USF3: variants seen among roughly 807,000 people sequenced by gnomAD.
The protein encoded by USF3 is upstream transcription factor family member 3.
A neutral mutation model predicts 157.5 loss-of-function variants in USF3; 29 were observed. The ratio of observed to expected loss-of-function variants is 0.18; its 90% CI spans 0.14 to 0.25. The LOEUF is 0.25. Among genes scored for constraint, USF3 ranks in the 10% least tolerant of loss-of-function variants. USF3 has a pLI of 1.00. For missense variants in USF3, 2,381 were observed against 2,667.6 expected (o/e 0.89, Z 2.37); for synonymous variants, 893 against 941.4 (o/e 0.95, Z 0.94).
intron 1 of USF3, among the ~76,000 whole-genome samples, chr3:113,685,990 G>A (rs1707537399): frequency 2.6e-5 from 4 of 152,102 alleles, no homozygotes; most frequent in African/African-American, 4.8e-5. Flanking sequence ...GCACTCCTTT[G>A]GCCACCCCAG....
intron 4 of USF3, among the ~76,000 whole-genome samples, chr3:113,672,128 T>C (rs1369262435): frequency 6.6e-6 from 1 of 150,904 alleles, no homozygotes; most frequent in Admixed American, 6.6e-5. Flanking sequence ...GGTAAACACA[T>C]CTCTTTCTTT....
Position 113,659,983 on chromosome 3 carries a change from T to C in USF3, c.1699A>G (p.Met567Val). The change falls in exon 7 of 7, where the codon ATG (methionine) becomes GTG (valine). Residue 567 changes from methionine (M) to valine (V), a missense_variant. Transcript: ENST00000316407. ...PPSTTPCPTV[M>V]RAEVSNQTVG... Reference sequence around the variant, plus strand: ...GTTTGGTTGGAAACTTCTGCCCTCATCACTGTTGGGCATGGGGTGGTGCTA... The same window carrying C: ...GTTTGGTTGGAAACTTCTGCCCTCACCACTGTTGGGCATGGGGTGGTGCTA... The C allele has an allele frequency of 6.2e-7, 1 of 1,614,208 alleles. No individual in the cohort carries two copies.
In USF3 at chr3:113,660,556, C is replaced by T. The variant is rs1217395523; in HGVS notation, c.1126G>A (p.Ala376Thr). 6 of 1,614,176 alleles carry T rather than the reference C, an allele frequency of 3.7e-6. No homozygotes were observed. The highest frequency in any genetic ancestry group is 1.3e-5 in the African/African-American group (1 of 75,052). Residue 376 changes from alanine to threonine, a missense_variant, in exon 7 of 7, where the codon GCC becomes ACC. By Grantham distance (58) the Ala-to-Thr change is moderately conservative. This residue lies in a region of USF3 where 1,435 missense variants were observed against 1,550.9 expected (regional missense o/e 0.93). Coordinates refer to ENST00000316407, the MANE Select transcript of USF3 (RefSeq NM_001009899.4). ...TSTATVVASS[A>T]PGVGKATIPI... is the part of the protein sequence containing the mutation. ...ATGGTGGCCTTCCCTACTCCAGGGGCAGATGATGCCACCACTGTAGCTGTA... is the reference window on the plus strand; with the variant it reads ...ATGGTGGCCTTCCCTACTCCAGGGGTAGATGATGCCACCACTGTAGCTGTA...
Position 113,651,880 on chromosome 3 carries a change from T to C in USF3, c.*3064A>G, listed in dbSNP as rs116419528. 25 of 152,320 alleles carry C rather than the reference T, an allele frequency of 1.6e-4. No individual in the cohort carries two copies. Among genetic ancestry groups the C allele is most frequent in the African/African-American group, 6.0e-4 (25 of 41,558 alleles). 9.4% of individuals were successfully genotyped at this position (152,320 alleles called of 1,614,324 possible). The stretch of plus-strand genomic sequence containing the variant: ...CTTTCAAGATCAAAATGTTAGACTG[T>C]TGGAATGAAAGCTCCAAGAAATGCA... On this transcript the variant is annotated 3_prime_UTR_variant, in exon 7 of 7. Transcript: ENST00000316407.
chr3:113,660,453 C>G lies in USF3; in HGVS notation c.1229G>C (p.Ser410Thr). The G allele has an allele frequency of 6.2e-7, 1 of 1,614,182 alleles. No individual in the cohort carries two copies. The highest frequency in any genetic ancestry group is 1.1e-5 in the South Asian group (1 of 91,090). The change falls in exon 7 of 7, where the codon AGT becomes ACT. Residue 410 changes from serine to threonine, a missense_variant. Ser to Thr is a moderately conservative substitution (Grantham distance 58, BLOSUM62 1). Coordinates refer to ENST00000316407, the MANE Select transcript of USF3 (RefSeq NM_001009899.4). ...ATTAATGTTTTTCAAATCTGAAGTA[C>G]TAACACTTGAAGAAGGCAAAGAACA... Reference protein sequence around the residue: ...LSCSLPSSSVSTSDLKNINSL... With the variant: ...LSCSLPSSSVTTSDLKNINSL...
chr3:113,682,268 T>C (rs1303371172), intron 1 of USF3, among the ~76,000 whole-genome samples: 1 of 151,848 alleles, frequency 6.6e-6, no homozygotes, highest in African/African-American at 2.4e-5. Context: ...GAGGCTGCAG[T>C]GAGCCATGAT....
At position 113,655,132 on chromosome 3, in the gene USF3, G is replaced by T; in HGVS notation, c.6550C>A (p.His2184Asn). ...GATGTCATATTAAAATTGGATAAGTGAGAGTTGGTCATGTGCATTGGTGGC... is the reference window on the plus strand; with the variant it reads ...GATGTCATATTAAAATTGGATAAGTTAGAGTTGGTCATGTGCATTGGTGGC... ...DMPPMHMTNS[H>N]LSNFNMTSLF... is the part of the protein sequence containing the mutation. The change falls in exon 7 of 7, where the codon CAC becomes AAC. Residue 2184 changes from histidine (H) to asparagine (N), a missense_variant. By Grantham distance (68) the His-to-Asn change is moderately conservative. Transcript: ENST00000316407. 1 of 1,614,194 alleles carries T rather than the reference G, an allele frequency of 6.2e-7. No homozygotes were observed. Among genetic ancestry groups the T allele is most frequent in the Non-Finnish European group, 8.5e-7 (1 of 1,180,020 alleles).
intron 6 of USF3, among the ~76,000 whole-genome samples, chr3:113,661,751 GGCAACA>G (rs1947490376): frequency 6.6e-6 from 1 of 152,186 alleles, no homozygotes; most frequent in African/African-American, 2.4e-5. Flanking sequence ...CTGATATCAT[GGCAACA>G]TGCTAGCAAG....
intron 1 of USF3, among the ~76,000 whole-genome samples, chr3:113,692,598 A>G (rs754715064): frequency 4.8e-4 from 73 of 152,168 alleles, no homozygotes; most frequent in Non-Finnish European, 8.4e-4. Flanking sequence ...AACAATCCTA[A>G]TAAGTCTAAA....
chr3:113,658,614 G>A lies in USF3; in HGVS notation c.3068C>T (p.Ser1023Phe), dbSNP rs768222351. The change falls in exon 7 of 7, where the codon TCT becomes TTT. Residue 1023 changes from serine to phenylalanine, a missense_variant. Transcript: ENST00000316407. ...AAAGTCAGGATGATCCATCTGATCA[G>A]AAAGAGATGATTTCTGAGGGTTTTT... is the stretch of plus-strand genomic sequence containing the variant. ...KKKNPQKSSL[S>F]DQMDHPDFSS... 6.2e-7 allele frequency: 1 copy of A among 1,612,802 alleles called. No individual in the cohort carries two copies.
chr3:113,669,183 G>C (rs1707085797), intron 5 of USF3, among the ~76,000 whole-genome samples: 1 of 152,068 alleles, frequency 6.6e-6, no homozygotes, highest in Non-Finnish European at 1.5e-5. Flanking sequence ...AACCAAAAGT[G>C]ATAGAATTAT....
Position 113,656,706 on chromosome 3 carries a change from C to T in USF3, c.4976G>A (p.Arg1659Lys), listed in dbSNP as rs763231652. ...ACTTGAAACTCTATTTCTCTCTGGC[C>T]TGTGTGGAGTACAGGTCATGTCTGA... is the stretch of plus-strand genomic sequence containing the variant. ...RSSDMTCTPHRPERNRVSSYS... is the reference protein window; with the variant it reads ...RSSDMTCTPHKPERNRVSSYS... Residue 1659 changes from arginine to lysine, a missense_variant, in exon 7 of 7, where the codon AGG (arginine) becomes AAG (lysine). By Grantham distance (26) the Arg-to-Lys change is conservative (BLOSUM62 2). Around this residue, in one of 6 missense-constraint regions of USF3, gnomAD observed 770 missense variants for 824.2 expected, o/e 0.93. Coordinates refer to ENST00000316407, the MANE Select transcript of USF3 (RefSeq NM_001009899.4). 31 of 1,614,142 alleles carry T rather than the reference C, an allele frequency of 1.9e-5. No homozygotes were observed. The East Asian group carries it at 6.0e-4, about 31-fold the overall frequency.
chr3:113,659,384 T>C lies in USF3; in HGVS notation c.2298A>G (p.Ser766=), dbSNP rs1360163655. The change falls in exon 7 of 7, where the codon TCA becomes TCG. Residue 766 remains serine (S), a synonymous_variant. Coordinates refer to ENST00000316407, the MANE Select transcript of USF3 (RefSeq NM_001009899.4). ...TAAPPVTTDS[S]ATLASTYNLV... ...GATTATAAGTACTAGCTAGTGTGGC[T>C]GAACTATCTGTTGTCACAGGAGGTG... 2.5e-6 allele frequency: 4 copies of C among 1,614,120 alleles called. No homozygotes were observed. In the South Asian group the frequency reaches 4.4e-5, roughly 18 times the overall value.
Position 113,652,567 on chromosome 3 carries a change from G to C in USF3, c.*2377C>G, listed in dbSNP as rs903182683. The C allele has an allele frequency of 3.3e-5, 5 of 151,904 alleles. No homozygotes were observed. Among genetic ancestry groups the C allele is most frequent in the African/African-American group, 1.2e-4 (5 of 41,334 alleles). 9.4% of individuals were successfully genotyped at this position (151,904 alleles called of 1,614,324 possible). ...GGACAGTTTGGTAAGAACAGTTAAAGAGGCACAAATGACCCTTTTGCTGAG... is the reference window on the plus strand; with the variant it reads ...GGACAGTTTGGTAAGAACAGTTAAACAGGCACAAATGACCCTTTTGCTGAG... On this transcript the variant is annotated 3_prime_UTR_variant, in exon 7 of 7. Transcript: ENST00000316407.
At position 113,657,586 on chromosome 3, in the gene USF3, T is replaced by G. The variant is rs1203131628; in HGVS notation, c.4096A>C (p.Thr1366Pro). Residue 1366 changes from threonine to proline, a missense_variant, in exon 7 of 7, where the codon ACC (threonine) becomes CCC (proline). This residue lies in a region of USF3 where 1,435 missense variants were observed against 1,550.9 expected (regional missense o/e 0.93). Coordinates refer to ENST00000316407, the MANE Select transcript of USF3 (RefSeq NM_001009899.4). ...ATCATTTGAGTTTGGTCAGAAATGGTGTCTGGAGTTCTGCTCATCAGGGAC... is the reference window on the plus strand; with the variant it reads ...ATCATTTGAGTTTGGTCAGAAATGGGGTCTGGAGTTCTGCTCATCAGGGAC... The part of the protein sequence containing the change: ...SMSLMSRTPD[T>P]ISDQTQMMVS... 1.3e-5 allele frequency: 21 copies of G among 1,613,976 alleles called. No homozygotes were observed. Among genetic ancestry groups the G allele is most frequent in the Non-Finnish European group, 1.6e-5 (19 of 1,180,026 alleles).
intron 6 of USF3, among the ~76,000 whole-genome samples, chr3:113,663,001 C>T (rs1355852323): frequency 1.3e-5 from 2 of 150,480 alleles, no homozygotes; most frequent in Non-Finnish European, 3.0e-5. Context: ...GTAAATGAAG[C>T]TGAGACTCAA....
intron 1 of USF3, among the ~76,000 whole-genome samples, chr3:113,687,229 TCACACACACACA>T (rs67480409): frequency 2.0e-5 from 2 of 102,480 alleles, no homozygotes; most frequent in African/African-American, 6.4e-5. Context: ...ACACACACAG[TCACACACACACA>T]CACACACACA....
Position 113,660,573 on chromosome 3 carries a change from G to A in USF3, c.1109C>T (p.Thr370Ile). ...TCCAGGGGCAGATGATGCCACCACT[G>A]TAGCTGTACTTGTCAAGTCTGCACT... is the stretch of plus-strand genomic sequence containing the variant. ...SKSADLTSTA[T>I]VVASSAPGVG... The change falls in exon 7 of 7, where the codon ACA becomes ATA. Residue 370 changes from threonine (T) to isoleucine (I), a missense_variant. Thr to Ile is a moderately conservative substitution (Grantham distance 89). Coordinates refer to ENST00000316407, the MANE Select transcript of USF3 (RefSeq NM_001009899.4). 1.2e-6 allele frequency: 2 copies of A among 1,614,226 alleles called. No individual in the cohort carries two copies. The highest frequency in any genetic ancestry group is 1.7e-6 in the Non-Finnish European group (2 of 1,180,038).
At chr3:113,679,935 G>C (rs1455875445) in intron 1 of USF3, among the ~76,000 whole-genome samples, 1 of 150,914 alleles carries the variant, frequency 6.6e-6, no homozygotes, top group African/African-American at 2.4e-5. Context: ...ATTTGTAACA[G>C]AGTTTATGTT....
Sources: allele counts gnomAD v4.1 joint callset (sites outside exome capture counted in the v4.1 genomes callset), GRCh38; gene constraint gnomAD v4.1.1; regional missense constraint gnomAD v4.1.1; transcripts MANE v1.5; gene names NCBI Gene and HGNC (gene_info 2026-07-23, HGNC 2026-07-21).